Variants in SOCS4 observed in about 807,000 individuals in gnomAD.
The protein encoded by SOCS4 is suppressor of cytokine signaling 4.
Under a neutral mutation model 34.1 loss-of-function variants are expected in SOCS4, and 20 were observed. That is an observed-to-expected ratio of 0.59 (90% CI 0.41 to 0.85). The LOEUF (loss-of-function observed/expected upper bound fraction) is 0.85. Among genes scored for constraint, SOCS4 ranks in the 40% least tolerant of loss-of-function variants. The pLI is 0.00. For missense variants in SOCS4, 479 were observed against 532.4 expected, an observed-to-expected ratio of 0.90 and a Z score of 0.99; for synonymous variants, 180 against 186.4, an observed-to-expected ratio of 0.97 and a Z score of 0.28.
intron 1 of SOCS4, among the ~76,000 whole-genome samples, chr14:55,029,028 ATAAT>A (rs2042503573): frequency 1.3e-5 from 2 of 152,176 alleles, no homozygotes; most frequent in African/African-American, 4.8e-5. Context: ...ATTTGTTTAA[ATAAT>A]TATCCAGTAA....
Position 55,047,773 on chromosome 14 carries a change from T to A in SOCS4, c.*3409T>A, listed in dbSNP as rs1232201295. ...GGTATACAAATTCCATTTCTTTTTA[T>A]AAGAAAAACACATAAACCATTATCA... On this transcript the variant is annotated 3_prime_UTR_variant, in exon 3 of 3. Coordinates refer to ENST00000555846, the MANE Select transcript of SOCS4 (RefSeq NM_199421.2). 6.0e-6 allele frequency: 1 copy of A among 167,102 alleles called. No individual in the cohort carries two copies. Among genetic ancestry groups the A allele is most frequent in the East Asian group, 1.9e-4 (1 of 5,210 alleles). The allele number at this position is 167,102 out of a possible 1,614,324, so 10.4% of individuals were successfully genotyped here. A position where few individuals can be genotyped will look rare whatever the true frequency, so the allele number is the denominator to read the frequency against.
At position 55,046,771 on chromosome 14, in the gene SOCS4, T is replaced by A. The variant is rs1428064329; in HGVS notation, c.*2407T>A. 6.0e-6 allele frequency: 1 copy of A among 166,962 alleles called. No individual in the cohort carries two copies. The highest frequency in any genetic ancestry group is 2.4e-5 in the African/African-American group (1 of 41,430). 10.3% of individuals were successfully genotyped at this position (166,962 alleles called of 1,614,324 possible). A position where few individuals can be genotyped will look rare whatever the true frequency, so the allele number is the denominator to read the frequency against. ...TGGTATTTGCTACAGTGAAAAGAAG[T>A]TTGGAAAGTAGATACATAAAGACTT... On this transcript the variant is annotated 3_prime_UTR_variant, in exon 3 of 3. Transcript: ENST00000555846.
At position 55,045,329 on chromosome 14, in the gene SOCS4, GC is replaced by G. The variant is rs2042665327; in HGVS notation, c.*967del. ...GGGGAAATTCCACAATGTATTAGCA[GC>G]CACAAATTTCCACTGGTAACCAAAG... On this transcript the variant is annotated 3_prime_UTR_variant, in exon 3 of 3. Transcript: ENST00000555846. 1 of 166,900 alleles carries G rather than the reference GC, an allele frequency of 6.0e-6. No homozygotes were observed. The highest frequency in any genetic ancestry group is 6.6e-5 in the Admixed American group (1 of 15,254). 10.3% of individuals were successfully genotyped at this position (166,900 alleles called of 1,614,324 possible).
At chr14:55,034,257 A>G in intron 2 of SOCS4, among the ~76,000 whole-genome samples, 1 of 152,252 alleles carries the variant, frequency 6.6e-6, no homozygotes, top group East Asian at 1.9e-4. Context: ...GCACAGACAA[A>G]TGACCATCTG....
At chr14:55,033,866 C>T (rs891279451) in intron 2 of SOCS4, among the ~76,000 whole-genome samples, 2 of 152,182 alleles carry the variant, frequency 1.3e-5, no homozygotes, top group Non-Finnish European at 2.9e-5. Context: ...GGCACGGTGG[C>T]GCATGCCTGT....
intron 2 of SOCS4, among the ~76,000 whole-genome samples, chr14:55,040,224 G>T (rs958778201): frequency 6.6e-5 from 10 of 152,170 alleles, no homozygotes; most frequent in African/African-American, 2.4e-4. Context: ...TTTCCTTAAA[G>T]ATCTTAAATG....
At chr14:55,042,712 G>GA (rs1467173336) in intron 2 of SOCS4, among the ~76,000 whole-genome samples, 2 of 152,120 alleles carry the variant, frequency 1.3e-5, no homozygotes, top group Non-Finnish European at 2.9e-5. Flanking sequence ...TATCCACACT[G>GA]AAAATTAGCT....
intron 2 of SOCS4, among the ~76,000 whole-genome samples, chr14:55,032,936 C>A (rs967525304): frequency 6.6e-6 from 1 of 152,138 alleles, no homozygotes; most frequent in East Asian, 1.9e-4. Flanking sequence ...GCGCCTGCCA[C>A]CACACCCGGC....
chr14:55,031,697 G>A (rs1275492223), intron 1 of SOCS4, among the ~76,000 whole-genome samples, 166 bp from the exon 2 acceptor site: 1 of 152,156 alleles, frequency 6.6e-6, no homozygotes, highest in Admixed American at 6.5e-5. Flanking sequence ...TTGCAATTAA[G>A]TCCCATGAGC....
rs1317994989 is a variant in SOCS4 at position 55,046,255 on chromosome 14, CTTA to C, written c.*1895_*1897del. 6.0e-6 allele frequency: 1 copy of C among 166,848 alleles called. No individual in the cohort carries two copies. Among genetic ancestry groups the C allele is most frequent in the Non-Finnish European group, 1.5e-5 (1 of 68,006 alleles). The allele number at this position is 166,848 out of a possible 1,614,324, so 10.3% of individuals were successfully genotyped here. ...TTTTGTAGATCACTGAGAAGCTTAT[CTTA>C]TTAACCAATATACCACTTCCTAAAT... On this transcript the variant is annotated 3_prime_UTR_variant, in exon 3 of 3. Transcript: ENST00000555846.
At position 55,030,263 on chromosome 14, in the gene SOCS4, A is replaced by G. The variant is rs550110026; in HGVS notation, c.-219-1600A>G. Among the ~76,000 whole-genome samples the G allele has an allele frequency of 1.3e-5, 2 of 152,326 alleles. 1 individual carries two copies. The highest frequency in any genetic ancestry group is 4.8e-5 in the African/African-American group (2 of 41,600). Reference sequence around the variant, plus strand: ...ATATGTAATTGTTATAAAGCAGTGAAGAAAATATAATACAATCTTATAAAA... The same window carrying G: ...ATATGTAATTGTTATAAAGCAGTGAGGAAAATATAATACAATCTTATAAAA... On this transcript the variant is annotated intron_variant, in intron 1 of 2. Coordinates refer to ENST00000555846, the MANE Select transcript of SOCS4 (RefSeq NM_199421.2).
chr14:55,042,631 A>G (rs571514555), intron 2 of SOCS4, among the ~76,000 whole-genome samples: 29 of 152,360 alleles, frequency 1.9e-4, no homozygotes, highest in Non-Finnish European at 2.4e-4. Flanking sequence ...AGCATAAGAT[A>G]TACTTCAAGA....
At chr14:55,029,675 G>T (rs1439219035) in intron 1 of SOCS4, among the ~76,000 whole-genome samples, 1 of 152,146 alleles carries the variant, frequency 6.6e-6, no homozygotes, top group Non-Finnish European at 1.5e-5. Context: ...GATTAATCTT[G>T]TGAAAGGTAA....
Position 55,043,654 on chromosome 14 carries a change from T to A in SOCS4, c.613T>A (p.Cys205Ser), listed in dbSNP as rs765219122. 1.2e-6 allele frequency: 2 copies of A among 1,614,116 alleles called. No homozygotes were observed. The highest frequency in any genetic ancestry group is 1.7e-6 in the Non-Finnish European group (2 of 1,180,026). ...TGTCATAACCACCGACAATGCTTTG[T>A]GTAGAGAAGGTCCTATGACTGGCTC... ...PCVITTDNALCREGPMTGSVM... is the reference protein window; with the variant it reads ...PCVITTDNALSREGPMTGSVM... The change falls in exon 3 of 3, where the codon TGT becomes AGT. Residue 205 changes from cysteine to serine, a missense_variant. Physicochemically the swap from Cys to Ser is moderately radical, Grantham distance 112. Coordinates refer to ENST00000555846, the MANE Select transcript of SOCS4 (RefSeq NM_199421.2).
At chr14:55,032,649 CCTT>C (rs1258967304) in intron 2 of SOCS4, among the ~76,000 whole-genome samples, 8 of 152,142 alleles carry the variant, frequency 5.3e-5, no homozygotes, top group Non-Finnish European at 1.0e-4. Context: ...GATTCTTTCA[CCTT>C]CTTTTTAAAA....
At chr14:55,039,582 G>GGT (rs975797295) in intron 2 of SOCS4, among the ~76,000 whole-genome samples, 3 of 152,200 alleles carry the variant, frequency 2.0e-5, no homozygotes, top group Non-Finnish European at 4.4e-5. Flanking sequence ...CCTTGGTAAA[G>GGT]GTGAGAATGT....
intron 2 of SOCS4, among the ~76,000 whole-genome samples, chr14:55,034,096 G>A (rs749986549): frequency 6.7e-4 from 102 of 152,164 alleles, no homozygotes; most frequent in Admixed American, 1.3e-3. Context: ...TCGCACTGCT[G>A]CACTCCACCC....
rs375166653 is a variant in SOCS4 at position 55,044,001 on chromosome 14, C to T, written c.960C>T (p.Phe320=). The change falls in exon 3 of 3, where the codon TTC becomes TTT. Residue 320 remains phenylalanine (F), a synonymous_variant. Transcript: ENST00000555846. ...LRDSAQEDYL[F]SVSFRRYSRS... ...ACTCAGCACAGGAAGACTATTTATT[C>T]TCTGTTAGTTTTAGACGCTATAGTC... The T allele has an allele frequency of 1.4e-5, 23 of 1,614,024 alleles. No homozygotes were observed. Among genetic ancestry groups the T allele is most frequent in the Non-Finnish European group, 1.8e-5 (21 of 1,180,010 alleles).
intron 2 of SOCS4, among the ~76,000 whole-genome samples, chr14:55,033,801 G>C (rs913426562): frequency 1.3e-5 from 2 of 152,146 alleles, no homozygotes; most frequent in Admixed American, 1.3e-4. Flanking sequence ...AGATTCTCTT[G>C]TTTAAAATAA....
Sources: allele counts gnomAD v4.1 joint callset (sites outside exome capture counted in the v4.1 genomes callset), GRCh38; gene constraint gnomAD v4.1.1; transcripts MANE v1.5; gene names NCBI Gene and HGNC (gene_info 2026-07-23, HGNC 2026-07-21).